Variants in CDH19 observed in about 807,000 individuals in gnomAD.
The protein encoded by CDH19 is cadherin-19.
In CDH19, 67 loss-of-function variants were observed where a neutral mutation model predicts 64.2. The ratio of observed to expected loss-of-function variants is 1.04; its 90% CI spans 0.86 to 1.28. CDH19 has a LOEUF of 1.28. Ranked by LOEUF, CDH19 falls within the 50% of genes most tolerant of loss-of-function variation. The pLI is 0.00. For missense variants in CDH19, 1,030 were observed against 929.0 expected, an observed-to-expected ratio of 1.11 and a Z score of -1.41; for synonymous variants, 346 against 319.3, an observed-to-expected ratio of 1.08 and a Z score of -0.89.
Position 66,572,006 on chromosome 18 carries a change from G to A in CDH19, c.195+4C>T, listed in dbSNP as rs1988118024. On this transcript the variant is annotated splice_donor_region_variant and intron_variant, in intron 2 of 11. Coordinates refer to ENST00000262150, the MANE Select transcript of CDH19 (RefSeq NM_021153.4). ...TTACTGTAACATTTTAAATAAATAA[G>A]TACCTGGCCGATGTGATGACTAGTC... 1 of 1,598,684 alleles carries A rather than the reference G, an allele frequency of 6.3e-7. No homozygotes were observed.
chr18:66,543,029 T>A (rs183560163), intron 7 of CDH19, among the ~76,000 whole-genome samples: 2 of 152,152 alleles, frequency 1.3e-5, no homozygotes, highest in Non-Finnish European at 2.9e-5. Flanking sequence ...AATAAGCCAC[T>A]TTTTTGTTGT....
chr18:66,552,803 G>A (rs143855884), intron 4 of CDH19, among the ~76,000 whole-genome samples: 1,989 of 134,220 alleles, frequency 0.015, 278 homozygotes, highest in Non-Finnish European at 0.023. Flanking sequence ...GGTAGGGGCT[G>A]GGGGTGGAAA....
At chr18:66,598,513 A>G (rs1232274498) in intron 1 of CDH19, among the ~76,000 whole-genome samples, 1 of 152,158 alleles carries the variant, frequency 6.6e-6, no homozygotes, top group East Asian at 1.9e-4. Context: ...AGCCATAAAA[A>G]TGAGATCATG....
At chr18:66,603,395 A>G (rs1471883960) in intron 1 of CDH19, among the ~76,000 whole-genome samples, 1 of 151,656 alleles carries the variant, frequency 6.6e-6, no homozygotes, top group African/African-American at 2.4e-5. Flanking sequence ...TAGGTAAATT[A>G]ATATGCCTGT....
intron 1 of CDH19, among the ~76,000 whole-genome samples, chr18:66,597,077 A>G (rs1318743221): frequency 3.6e-5 from 3 of 82,886 alleles, no homozygotes; most frequent in Admixed American, 1.3e-4. Flanking sequence ...GCGAGACTCC[A>G]TCTCAAAAAA....
intron 3 of CDH19, among the ~76,000 whole-genome samples, chr18:66,560,921 T>G (rs2144545976): frequency 6.6e-6 from 1 of 152,232 alleles, no homozygotes; most frequent in African/African-American, 2.4e-5. Context: ...GAAATAGGTA[T>G]TTCTAACAAA....
At chr18:66,568,162 G>A (rs78662242) in intron 3 of CDH19, among the ~76,000 whole-genome samples, 2,160 of 151,790 alleles carry the variant, frequency 0.014, 45 homozygotes, top group African/African-American at 0.049. Context: ...AAAAACTTAC[G>A]AATTGCTCAA....
At chr18:66,526,504 T>C (rs1044732671) in intron 9 of CDH19, among the ~76,000 whole-genome samples, 4 of 152,134 alleles carry the variant, frequency 2.6e-5, no homozygotes, top group African/African-American at 7.2e-5. Flanking sequence ...GTGGTTGTTA[T>C]AGAGGTACTT....
At chr18:66,577,432 T>C (rs542901973) in intron 1 of CDH19, among the ~76,000 whole-genome samples, 18 of 152,068 alleles carry the variant, frequency 1.2e-4, no homozygotes, top group African/African-American at 4.3e-4. Flanking sequence ...TACATTTATG[T>C]GATCAATTGA....
chr18:66,565,021 A>AGTGATTAGATG (rs1987857944), intron 3 of CDH19, among the ~76,000 whole-genome samples: 1 of 151,818 alleles, frequency 6.6e-6, no homozygotes, highest in Non-Finnish European at 1.5e-5. Context: ...TATATCCTAA[A>AGTGATTAGATG]CTATTCTAAT....
In CDH19 at chr18:66,502,639, CT is replaced by C. The variant is rs1984995611; in HGVS notation, c.*2172del. 2 of 151,906 alleles carry C rather than the reference CT, an allele frequency of 1.3e-5. No homozygotes were observed. The highest frequency in any genetic ancestry group is 4.1e-4 in the South Asian group (2 of 4,824). 9.4% of individuals were successfully genotyped at this position (151,906 alleles called of 1,614,324 possible). ...GAATAATTCATGAAAATTTCTCTGA[CT>C]ATACATTTTCAATTTTCATGTCAAT... On this transcript the variant is annotated 3_prime_UTR_variant, in exon 12 of 12. Transcript: ENST00000262150.
chr18:66,554,359 C>T (rs1987440761), intron 4 of CDH19, 46 bp downstream of exon 4: 3 of 1,596,754 alleles, frequency 1.9e-6, no homozygotes, highest in Non-Finnish European at 2.6e-6. Flanking sequence ...TGACAATTGC[C>T]TTCTTTAGAA....
intron 5 of CDH19, among the ~76,000 whole-genome samples, chr18:66,546,936 G>A (rs1987140148): frequency 6.6e-6 from 1 of 152,080 alleles, no homozygotes; most frequent in South Asian, 2.1e-4. Flanking sequence ...ACTGGACAAT[G>A]GCAGATTACT....
intron 10 of CDH19, among the ~76,000 whole-genome samples, chr18:66,510,994 G>A (rs1308249905): frequency 2.6e-5 from 4 of 151,616 alleles, no homozygotes; most frequent in Non-Finnish European, 4.4e-5. Context: ...AAGAAGCAGC[G>A]TGGCTTTGTA....
At chr18:66,602,312 TTTAG>T (rs1989056500) in intron 1 of CDH19, among the ~76,000 whole-genome samples, 1 of 152,070 alleles carries the variant, frequency 6.6e-6, no homozygotes, top group African/African-American at 2.4e-5. Flanking sequence ...TCAGTTGATA[TTTAG>T]TTATAGATGA....
chr18:66,506,675 G>A (rs1241443698), intron 11 of CDH19, among the ~76,000 whole-genome samples: 1 of 151,724 alleles, frequency 6.6e-6, no homozygotes, highest in Non-Finnish European at 1.5e-5. Context: ...GTGTGTGTGT[G>A]TCTGTGTGTG....
intron 9 of CDH19, among the ~76,000 whole-genome samples, chr18:66,516,146 T>C (rs1370044177): frequency 6.6e-6 from 1 of 151,594 alleles, no homozygotes; most frequent in Non-Finnish European, 1.5e-5. Flanking sequence ...TATTAAAGAG[T>C]TTTGACTTTA....
At chr18:66,594,382 C>A (rs187367424) in intron 1 of CDH19, among the ~76,000 whole-genome samples, 47 of 152,142 alleles carry the variant, frequency 3.1e-4, no homozygotes, top group African/African-American at 1.1e-3. Flanking sequence ...TAAAGATATT[C>A]AGAACCTAAA....
At chr18:66,581,646 C>T (rs1045277980) in intron 1 of CDH19, among the ~76,000 whole-genome samples, 3 of 151,982 alleles carry the variant, frequency 2.0e-5, no homozygotes, top group Non-Finnish European at 2.9e-5. Flanking sequence ...ACTTTAGGTT[C>T]TTCGGCCTTT....
Sources: gnomAD v4.1 joint callset for allele counts (sites outside exome capture counted in the v4.1 genomes callset) on GRCh38, gnomAD v4.1.1 for gene constraint, MANE v1.5 for transcripts, NCBI Gene and HGNC (gene_info 2026-07-23, HGNC 2026-07-21) for gene names.